Variants in RBFOX1 observed in about 807,000 individuals in gnomAD.
The protein encoded by RBFOX1 is RNA binding fox-1 homolog 1.
In RBFOX1, 8 loss-of-function variants were observed where a neutral mutation model predicts 57.7. The observed-to-expected ratio is 0.14, with a 90% CI of 0.08 to 0.25. RBFOX1 has a LOEUF of 0.25. Ranked by LOEUF, RBFOX1 falls within the 10% of genes least tolerant of loss-of-function variation. RBFOX1 has a pLI of 1.00. For missense variants in RBFOX1, 611 were observed against 548.5 expected, an observed-to-expected ratio of 1.11 and a Z score of -1.14; for synonymous variants, 326 against 222.4, an observed-to-expected ratio of 1.47 and a Z score of -4.15.
At chr16:6,760,198 T>C (rs1350655050) in intron 3 of RBFOX1, among the ~76,000 whole-genome samples, 2 of 152,236 alleles carry the variant, frequency 1.3e-5, no homozygotes, top group African/African-American at 4.8e-5. Context: ...GGATATTTAT[T>C]CTCTAAATAG....
At chr16:6,650,414 G>C (rs1231182296) in intron 2 of RBFOX1, among the ~76,000 whole-genome samples, 1 of 152,174 alleles carries the variant, frequency 6.6e-6, no homozygotes, top group African/African-American at 2.4e-5. Flanking sequence ...GAAAGGGAAA[G>C]CACCTGATGA....
intron 1 of RBFOX1, among the ~76,000 whole-genome samples, chr16:6,141,915 C>T (rs2096718842): frequency 6.6e-6 from 1 of 151,622 alleles, no homozygotes; most frequent in Non-Finnish European, 1.5e-5. Flanking sequence ...AAAAATTAGC[C>T]AGGTATGGTG....
At chr16:7,597,467 C>A (rs778602605) in intron 9 of RBFOX1, 36 bp downstream of exon 9, 1 of 1,494,936 alleles carries the variant, frequency 6.7e-7, no homozygotes, top group Non-Finnish European at 9.2e-7. Flanking sequence ...GAAATTCTCT[C>A]TACTTCTGAC....
At position 6,167,320 on chromosome 16, in the gene RBFOX1, A is replaced by G. The variant is rs140161578; in HGVS notation, c.-127+147328A>G. On this transcript the variant is annotated intron_variant, in intron 1 of 15. Transcript: ENST00000550418. ...CCCTTTGACGTATAGCTCAAGTTGT[A>G]CTTTCTCTGTGGACTTTTTCTCCCA... 1.1e-4 allele frequency among the ~76,000 whole-genome samples: 17 copies of G among 152,130 alleles called. No individual in the cohort carries two copies. The East Asian group carries it at 3.1e-3, about 28-fold the overall frequency.
intron 3 of RBFOX1, among the ~76,000 whole-genome samples, chr16:7,014,569 G>A (rs1041081286): frequency 5.9e-5 from 9 of 151,938 alleles, no homozygotes; most frequent in Admixed American, 2.0e-4. Flanking sequence ...ACTGCACCCC[G>A]TCTTAAACTG....
chr16:5,253,780 C>T (rs998464667), intron 1 of RBFOX1, among the ~76,000 whole-genome samples: 1 of 152,236 alleles, frequency 6.6e-6, no homozygotes, highest in Admixed American at 6.5e-5. Flanking sequence ...GGCTCTTGCA[C>T]TTCCTTTGCT....
At chr16:7,190,548 G>A (rs767476042) in intron 4 of RBFOX1, among the ~76,000 whole-genome samples, 8 of 151,744 alleles carry the variant, frequency 5.3e-5, no homozygotes, top group Non-Finnish European at 1.0e-4. Flanking sequence ...GCTGGAGAGT[G>A]ACCTAAGTTA....
intron 5 of RBFOX1, among the ~76,000 whole-genome samples, chr16:7,564,540 CA>C (rs5815409): frequency 5.8e-4 from 48 of 82,514 alleles, no homozygotes; most frequent in African/African-American, 3.9e-3. Context: ...GACTCCATCT[CA>C]AAAAAAAAAA....
intron 12 of RBFOX1, among the ~76,000 whole-genome samples, chr16:7,661,453 A>C (rs2067701798): frequency 6.6e-6 from 1 of 152,018 alleles, no homozygotes; most frequent in South Asian, 2.1e-4. Context: ...CCTTGACAGC[A>C]CTTCACTCCT....
At chr16:7,165,371 A>G (rs1359672845) in intron 4 of RBFOX1, among the ~76,000 whole-genome samples, 1 of 124,636 alleles carries the variant, frequency 8.0e-6, no homozygotes, top group East Asian at 2.5e-4. Flanking sequence ...CTAGAGGCCC[A>G]GATCATAACT....
chr16:5,455,057 C>T, intron 1 of RBFOX1, among the ~76,000 whole-genome samples: 1 of 144,424 alleles, frequency 6.9e-6, no homozygotes, highest in Admixed American at 7.3e-5. Flanking sequence ...CTTTCTTTCT[C>T]TGTCTCTTTC....
chr16:6,994,603 G>A (rs1332451443), intron 3 of RBFOX1, among the ~76,000 whole-genome samples: 2 of 152,162 alleles, frequency 1.3e-5, no homozygotes, highest in Non-Finnish European at 2.9e-5. Flanking sequence ...GAATGATGCT[G>A]TGTATCTGCT....
intron 2 of RBFOX1, among the ~76,000 whole-genome samples, chr16:5,556,118 G>C (rs147577575): frequency 6.6e-6 from 1 of 152,202 alleles, no homozygotes; most frequent in East Asian, 1.9e-4. Context: ...AAGCCAGCGT[G>C]TTAGAATTTA....
At chr16:5,680,687 G>C (rs1470060736) in intron 3 of RBFOX1, among the ~76,000 whole-genome samples, 1 of 152,184 alleles carries the variant, frequency 6.6e-6, no homozygotes. Context: ...CTTAACCTTG[G>C]AGAATGCCAA....
chr16:6,370,362 G>GAAAAAAAAA (rs71145221), intron 2 of RBFOX1, among the ~76,000 whole-genome samples: 8 of 82,006 alleles, frequency 9.8e-5, no homozygotes, highest in Admixed American at 5.7e-4. Flanking sequence ...CGTCTCAAAA[G>GAAAAAAAAA]AAAAAAAAAA....
intron 4 of RBFOX1, among the ~76,000 whole-genome samples, chr16:7,088,143 G>T (rs1256699900): frequency 6.6e-6 from 1 of 152,156 alleles, no homozygotes; most frequent in Non-Finnish European, 1.5e-5. Flanking sequence ...TATGTGTATG[G>T]GGTTTGGGGG....
At chr16:5,243,363 A>G (rs2062216592) in intron 1 of RBFOX1, among the ~76,000 whole-genome samples, 7 of 152,194 alleles carry the variant, frequency 4.6e-5, no homozygotes, top group Admixed American at 3.9e-4. Context: ...TTGAAACCAG[A>G]TCAGGAAGGT....
intron 4 of RBFOX1, among the ~76,000 whole-genome samples, chr16:7,517,073 G>A (rs1381830291): frequency 6.6e-6 from 1 of 151,652 alleles, no homozygotes; most frequent in Non-Finnish European, 1.5e-5. Context: ...CTGTCTTTCT[G>A]ACTGTGTGAT....
chr16:6,525,018 G>A (rs1567554092), intron 2 of RBFOX1, among the ~76,000 whole-genome samples: 1 of 152,132 alleles, frequency 6.6e-6, no homozygotes, highest in Non-Finnish European at 1.5e-5. Flanking sequence ...GACACTCTTA[G>A]TACAGAGATC....
Sources: gnomAD v4.1 joint callset for allele counts (sites outside exome capture counted in the v4.1 genomes callset) on GRCh38, gnomAD v4.1.1 for gene constraint, MANE v1.5 for transcripts, NCBI Gene and HGNC (gene_info 2026-07-23, HGNC 2026-07-21) for gene names.